Variants in RBFOX1 observed in about 807,000 individuals in gnomAD.
RBFOX1 encodes the protein RNA binding protein fox-1 homolog 1.
Under a neutral mutation model 57.7 loss-of-function variants are expected in RBFOX1, and 8 were observed. The observed-to-expected ratio is 0.14, with a 90% CI of 0.08 to 0.25. RBFOX1 has a LOEUF of 0.25. RBFOX1 is among the 10% of genes least tolerant of loss of function. RBFOX1 has a pLI of 1.00. For synonymous variants in RBFOX1, 326 were observed against 222.4 expected (o/e 1.47, Z -4.15); for missense variants, 611 against 548.5 (o/e 1.11, Z -1.14).
intron 4 of RBFOX1, among the ~76,000 whole-genome samples, chr16:7,147,689 T>C (rs115884295): frequency 6.6e-6 from 1 of 152,322 alleles, no homozygotes; most frequent in African/African-American, 2.4e-5. Context: ...ATGTTGTGTA[T>C]GGACCACATT....
intron 4 of RBFOX1, among the ~76,000 whole-genome samples, chr16:5,890,683 A>G (rs2058025154): frequency 1.4e-5 from 2 of 143,258 alleles, no homozygotes; most frequent in Admixed American, 1.4e-4. Flanking sequence ...GGTGACAGAC[A>G]GAGAGTCTGT....
At chr16:5,511,352 G>C (rs2043584960) in intron 2 of RBFOX1, among the ~76,000 whole-genome samples, 1 of 152,208 alleles carries the variant, frequency 6.6e-6, no homozygotes, top group Admixed American at 6.5e-5. Flanking sequence ...TTTGGGCTCT[G>C]TTTTCTCTGC....
Position 5,473,152 on chromosome 16 carries a change from A to T in RBFOX1, c.258+5898A>T, listed in dbSNP as rs555576170. Among the ~76,000 whole-genome samples, 5 of 152,264 alleles carry T rather than the reference A, an allele frequency of 3.3e-5. No homozygotes were observed. In the East Asian group the frequency reaches 9.7e-4, roughly 29 times the overall value. On this transcript the variant is annotated intron_variant, in intron 2 of 2. Coordinates refer to the RBFOX1 transcript ENST00000585867. ...TGTCTTTTCCATGGCACTCAGCATG[A>T]TCTGAAATAATATTCCTTTTTTGTT...
At chr16:7,149,069 A>G (rs935416871) in intron 4 of RBFOX1, among the ~76,000 whole-genome samples, 4 of 152,244 alleles carry the variant, frequency 2.6e-5, no homozygotes, top group Middle Eastern at 3.4e-3. Flanking sequence ...TTTTTTTCTA[A>G]AACATTTCCT....
At chr16:6,904,365 C>T (rs1281676056) in intron 3 of RBFOX1, among the ~76,000 whole-genome samples, 1 of 151,872 alleles carries the variant, frequency 6.6e-6, no homozygotes, top group Non-Finnish European at 1.5e-5. Context: ...CCTTGGAAGG[C>T]CCAGGTGGGA....
intron 2 of RBFOX1, among the ~76,000 whole-genome samples, chr16:6,622,278 G>C (rs890181008): frequency 1.6e-4 from 25 of 152,110 alleles, no homozygotes; most frequent in African/African-American, 6.0e-4. Flanking sequence ...TATGACTGTG[G>C]TCCTATAAGA....
chr16:7,560,534 A>G (rs2090071951), intron 5 of RBFOX1, among the ~76,000 whole-genome samples: 1 of 147,618 alleles, frequency 6.8e-6, no homozygotes, highest in Admixed American at 6.7e-5. Flanking sequence ...TAGAGTATCA[A>G]AAAAAAAAAA....
chr16:6,826,549 C>G (rs779068740), intron 3 of RBFOX1, among the ~76,000 whole-genome samples: 1 of 152,002 alleles, frequency 6.6e-6, no homozygotes, highest in Admixed American at 6.5e-5. Flanking sequence ...TCCGGGCATA[C>G]GTGCTTGCGG....
chr16:6,645,723 A>C (rs2098528821), intron 2 of RBFOX1, among the ~76,000 whole-genome samples: 2 of 152,160 alleles, frequency 1.3e-5, no homozygotes, highest in Admixed American at 1.3e-4. Flanking sequence ...GGTTTCACAA[A>C]GCCTGTTGGA....
At chr16:7,031,135 C>T (rs1372122085) in intron 3 of RBFOX1, among the ~76,000 whole-genome samples, 1 of 152,132 alleles carries the variant, frequency 6.6e-6, no homozygotes, top group African/African-American at 2.4e-5. Context: ...TGCAGGTATG[C>T]TGCAGGATAG....
At chr16:6,494,518 G>A (rs775902481) in intron 2 of RBFOX1, among the ~76,000 whole-genome samples, 24 of 152,196 alleles carry the variant, frequency 1.6e-4, no homozygotes, top group Non-Finnish European at 2.9e-4. Context: ...CCCTGGAGTT[G>A]TACCTACATT....
At chr16:5,903,525 A>G (rs1249326715) in intron 4 of RBFOX1, among the ~76,000 whole-genome samples, 1 of 152,178 alleles carries the variant, frequency 6.6e-6, no homozygotes, top group South Asian at 2.1e-4. Flanking sequence ...CAGAAGGAAG[A>G]GGATGATAAG....
At chr16:6,992,779 T>C (rs1038697752) in intron 3 of RBFOX1, among the ~76,000 whole-genome samples, 1 of 150,906 alleles carries the variant, frequency 6.6e-6, no homozygotes, top group Non-Finnish European at 1.5e-5. Context: ...TCTAGAGTTT[T>C]TGTGTATCAT....
chr16:6,997,446 A>C (rs1356148847), intron 3 of RBFOX1, among the ~76,000 whole-genome samples: 1 of 152,180 alleles, frequency 6.6e-6, no homozygotes, highest in African/African-American at 2.4e-5. Context: ...TATATCCACG[A>C]GCATTGCACC....
rs547832562 is a variant in RBFOX1, at chr16:6,149,654, C to T, written c.-127+129662C>T. The stretch of plus-strand genomic sequence containing the variant: ...AGGTTTGAATAGCTGTGTCTTGCTG[C>T]TTTCCTGGGTTGGGCAAAATGTAGA... On this transcript the variant is annotated intron_variant, in intron 1 of 15. Transcript: ENST00000550418. Among the ~76,000 whole-genome samples, 11 of 152,284 alleles carry T rather than the reference C, an allele frequency of 7.2e-5. No homozygotes were observed. The South Asian group carries it at 1.5e-3, about 20-fold the overall frequency.
chr16:7,150,341 G>A (rs1336034321), intron 4 of RBFOX1, among the ~76,000 whole-genome samples: 1 of 152,102 alleles, frequency 6.6e-6, no homozygotes, highest in South Asian at 2.1e-4. Context: ...GTCTATATTA[G>A]ACAGTGCCCA....
chr16:5,494,737 G>A (rs1356547872), intron 2 of RBFOX1, among the ~76,000 whole-genome samples: 1 of 152,212 alleles, frequency 6.6e-6, no homozygotes. Context: ...CAACCAGATG[G>A]TGGTCCATTT....
chr16:7,621,228 A>T (rs2059267566), intron 10 of RBFOX1, among the ~76,000 whole-genome samples: 1 of 152,178 alleles, frequency 6.6e-6, no homozygotes, highest in Non-Finnish European at 1.5e-5. Context: ...CTGAATTGAT[A>T]GACCTCCACA....
At chr16:7,432,847 A>G (rs1303088295) in intron 4 of RBFOX1, among the ~76,000 whole-genome samples, 4 of 152,080 alleles carry the variant, frequency 2.6e-5, no homozygotes, top group Non-Finnish European at 5.9e-5. Context: ...CAGCTTGTGA[A>G]TTTGCATTCA....
Sources: allele counts gnomAD v4.1 joint callset (sites outside exome capture counted in the v4.1 genomes callset), GRCh38; gene constraint gnomAD v4.1.1; transcripts MANE v1.5; gene names NCBI Gene and HGNC (gene_info 2026-07-23, HGNC 2026-07-21).